CUBN: variants seen among roughly 807,000 people sequenced by gnomAD.
CUBN encodes 460 kDa receptor.
Under a neutral mutation model 405.3 loss-of-function variants are expected in CUBN, and 282 were observed. The ratio of observed to expected loss-of-function variants is 0.70; its 90% confidence interval spans 0.63 to 0.77. The LOEUF (loss-of-function observed/expected upper bound fraction) is 0.77. Ranked by LOEUF, CUBN falls within the 30% of genes least tolerant of loss-of-function variation. The pLI is 0.00. For missense variants in CUBN, 4,514 were observed against 4,475.2 expected (o/e 1.01, Z -0.25); for synonymous variants, 1,684 against 1,617.0 (o/e 1.04, Z -0.99).
intron 59 of CUBN, among the ~76,000 whole-genome samples, chr10:16,866,580 T>C (rs186631412): frequency 1.3e-5 from 2 of 152,324 alleles, no homozygotes; most frequent in East Asian, 1.9e-4. Context: ...ATAGAAGCCA[T>C]TGACAATCTG....
At chr10:16,878,735 T>C (rs1350210550) in intron 56 of CUBN, among the ~76,000 whole-genome samples, 1 of 152,230 alleles carries the variant, frequency 6.6e-6, no homozygotes, top group Non-Finnish European at 1.5e-5. Context: ...TATGGTCTCC[T>C]GCCCTACATA....
chr10:16,970,413 A>G (rs1179790081), intron 31 of CUBN, among the ~76,000 whole-genome samples: 1 of 152,158 alleles, frequency 6.6e-6, no homozygotes, highest in Non-Finnish European at 1.5e-5. Context: ...CATCTCCACT[A>G]AAAACACAAA....
At chr10:16,992,253 A>AG (rs1162952774) in intron 28 of CUBN, among the ~76,000 whole-genome samples, 1 of 143,474 alleles carries the variant, frequency 7.0e-6, no homozygotes, top group Non-Finnish European at 1.5e-5. Context: ...GGGTGGGGGA[A>AG]GGGGGGAGGG....
intron 57 of CUBN, 93 bp downstream of exon 57, chr10:16,876,803 TC>T (rs1270355770): frequency 9.3e-7 from 1 of 1,070,794 alleles, no homozygotes; most frequent in African/African-American, 1.6e-5. Flanking sequence ...CTCTGAATCT[TC>T]AAGTTAGTGC....
At chr10:16,929,929 T>C (rs1842316010) in intron 40 of CUBN, among the ~76,000 whole-genome samples, 1 of 152,230 alleles carries the variant, frequency 6.6e-6, no homozygotes, top group Non-Finnish European at 1.5e-5. Flanking sequence ...AAACAATGCT[T>C]ATCTCAAAAT....
chr10:17,080,428 T>A (rs1835943106), intron 17 of CUBN, among the ~76,000 whole-genome samples: 2 of 152,186 alleles, frequency 1.3e-5, no homozygotes, highest in Non-Finnish European at 2.9e-5. Context: ...CTTCCTGTCT[T>A]ATTGATTATA....
intron 57 of CUBN, among the ~76,000 whole-genome samples, chr10:16,875,501 T>C (rs1274147463): frequency 1.3e-5 from 2 of 152,208 alleles, no homozygotes; most frequent in East Asian, 1.9e-4. Flanking sequence ...AGGCTCTTTA[T>C]TTCTTTACTG....
chr10:16,985,837 C>T (rs940369005), intron 29 of CUBN, among the ~76,000 whole-genome samples: 2 of 152,228 alleles, frequency 1.3e-5, no homozygotes, highest in African/African-American at 2.4e-5. Context: ...ACGTAGGCTC[C>T]TCCAAATCTC....
rs147980511 is a variant in CUBN at position 16,964,687 on chromosome 10, C to T, written c.4696-10139G>A. Among the ~76,000 whole-genome samples the T allele has an allele frequency of 1.2e-4, 18 of 152,304 alleles. No individual in the cohort carries two copies. In the East Asian group the frequency reaches 3.5e-3, roughly 29 times the overall value. On this transcript the variant is annotated intron_variant, in intron 31 of 66. Transcript: ENST00000377833. ...GGACGCATAAGTGATTACATACAGA[C>T]ATGAAAGGGCACTATTCATATAACA...
intron 27 of CUBN, among the ~76,000 whole-genome samples, chr10:17,028,732 G>A (rs929728661): frequency 1.4e-5 from 2 of 146,046 alleles, no homozygotes. Flanking sequence ...AAAAAAAAAA[G>A]AAAGAAAGAA....
chr10:16,987,858 T>A (rs1042168440), intron 29 of CUBN, among the ~76,000 whole-genome samples: 1 of 152,198 alleles, frequency 6.6e-6, no homozygotes, highest in Admixed American at 6.5e-5. Context: ...GTTGCTCCTT[T>A]TAGCTTTCAG....
At chr10:16,958,358 C>T (rs1304330992) in intron 31 of CUBN, among the ~76,000 whole-genome samples, 3 of 151,832 alleles carry the variant, frequency 2.0e-5, no homozygotes, top group South Asian at 4.2e-4. Context: ...CATGTCTCTA[C>T]TAAAAATACA....
chr10:17,025,657 A>G (rs1461310776), intron 27 of CUBN, among the ~76,000 whole-genome samples: 1 of 152,184 alleles, frequency 6.6e-6, no homozygotes, highest in African/African-American at 2.4e-5. Context: ...GAAAAGAAAG[A>G]TGTTGGGGAT....
In CUBN at chr10:17,046,202, T is replaced by C. The variant is rs1244006182; in HGVS notation, c.3330-108A>G. 7.2e-6 allele frequency: 7 copies of C among 972,026 alleles called. No individual in the cohort carries two copies. In the East Asian group the frequency reaches 1.3e-4, roughly 17 times the overall value. 60.2% of individuals were successfully genotyped at this position (972,026 alleles called of 1,614,324 possible). Reference sequence around the variant, plus strand: ...TTGCAAACATTAGCAGTTTATTGGATGAAGTAATTTCTCTCAAACACTACA... The same window carrying C: ...TTGCAAACATTAGCAGTTTATTGGACGAAGTAATTTCTCTCAAACACTACA... On this transcript the variant is annotated intron_variant, in intron 23 of 66. Transcript: ENST00000377833.
intron 6 of CUBN, among the ~76,000 whole-genome samples, chr10:17,120,615 G>T (rs989769694): frequency 2.6e-5 from 4 of 152,110 alleles, no homozygotes; most frequent in African/African-American, 4.8e-5. Context: ...ACAAATAAAT[G>T]GTTCCTTTCC....
intron 49 of CUBN, among the ~76,000 whole-genome samples, chr10:16,907,137 G>C (rs780817987): frequency 6.6e-6 from 1 of 152,144 alleles, no homozygotes; most frequent in Non-Finnish European, 1.5e-5. Context: ...TCTGTCCCCA[G>C]CAAAATTAAT....
intron 28 of CUBN, among the ~76,000 whole-genome samples, chr10:16,992,325 G>A (rs1410993968): frequency 1.3e-5 from 2 of 152,136 alleles, no homozygotes; most frequent in African/African-American, 4.8e-5. Flanking sequence ...CACCAACATG[G>A]CACATGCATA....
intron 36 of CUBN, 116 bp downstream of exon 36, chr10:16,947,119 G>A: frequency 1.3e-5 from 15 of 1,131,794 alleles, no homozygotes; most frequent in Non-Finnish European, 2.0e-5. Context: ...GAGGAAATTT[G>A]GAAAAATACT....
intron 62 of CUBN, among the ~76,000 whole-genome samples, chr10:16,837,546 G>A (rs988141273): frequency 6.6e-6 from 1 of 151,932 alleles, no homozygotes; most frequent in Middle Eastern, 3.4e-3. Context: ...AGGTTTCTGT[G>A]TTTTTATAGA....
Sources: allele counts gnomAD v4.1 joint callset (sites outside exome capture counted in the v4.1 genomes callset), GRCh38; gene constraint gnomAD v4.1.1; transcripts MANE v1.5; gene names NCBI Gene and HGNC (gene_info 2026-07-23, HGNC 2026-07-21).